Variants in ATP2C2 observed in about 807,000 individuals in gnomAD.
The protein encoded by ATP2C2 is ATPase secretory pathway Ca2+ transporting 2.
In ATP2C2, 171 loss-of-function variants were observed where a neutral mutation model predicts 110.8. The observed-to-expected ratio is 1.54, with a 90% confidence interval of 1.36 to 1.75. ATP2C2 has a LOEUF of 1.75. Among genes scored for constraint, ATP2C2 ranks in the 40% most tolerant of loss-of-function variants. The pLI is 0.00. For synonymous variants in ATP2C2, 804 were observed against 508.4 expected (o/e 1.58, Z -7.82); for missense variants, 1,963 against 1,235.0 (o/e 1.59, Z -8.84).
chr16:84,393,147 A>T (rs768332082), intron 1 of ATP2C2, among the ~76,000 whole-genome samples: 3 of 152,192 alleles, frequency 2.0e-5, no homozygotes, highest in Non-Finnish European at 4.4e-5. Flanking sequence ...TGGGGGCCGT[A>T]CCAGAGTCTG....
chr16:84,461,157 TG>T, intron 24 of ATP2C2: 1 of 276,882 alleles, frequency 3.6e-6, no homozygotes, highest in African/African-American at 2.2e-5. Context: ...ACTCTAGAGG[TG>T]ATTGTTTGCT....
chr16:84,378,655 G>C (rs2151397584), intron 1 of ATP2C2, among the ~76,000 whole-genome samples: 1 of 152,330 alleles, frequency 6.6e-6, no homozygotes, highest in Admixed American at 6.5e-5. Flanking sequence ...TTTGACCTTG[G>C]GTCATGTGCT....
rs546958962 is a variant in ATP2C2, at chr16:84,451,907, C to T, written c.1661-14C>T. On this transcript the variant is annotated splice_polypyrimidine_tract_variant and intron_variant, in intron 17 of 26. Transcript: ENST00000262429. The stretch of plus-strand genomic sequence containing the variant: ...GCCCCCGGTGACCCCTCCTTACTCC[C>T]CCTCTCTCCTCAGTGCTGGCCCTGG... 8 of 1,608,586 alleles carry T rather than the reference C, an allele frequency of 5.0e-6. No individual in the cohort carries two copies. Among genetic ancestry groups the T allele is most frequent in the South Asian group, 3.3e-5 (3 of 90,846 alleles).
At chr16:84,438,578 G>C (rs759690769) in intron 11 of ATP2C2, among the ~76,000 whole-genome samples, 1 of 152,164 alleles carries the variant, frequency 6.6e-6, no homozygotes, top group Non-Finnish European at 1.5e-5. Flanking sequence ...GAGAGAGTGG[G>C]GTCGCACCGT....
chr16:84,393,078 C>G (rs1233658790), intron 1 of ATP2C2, among the ~76,000 whole-genome samples: 1 of 152,214 alleles, frequency 6.6e-6, no homozygotes, highest in South Asian at 2.1e-4. Flanking sequence ...TGATCAGCAG[C>G]GGGCACGGGC....
intron 1 of ATP2C2, among the ~76,000 whole-genome samples, chr16:84,389,318 C>A (rs754929316): frequency 2.6e-5 from 4 of 151,158 alleles, no homozygotes; most frequent in African/African-American, 9.7e-5. Context: ...AGATTCCCCG[C>A]GATCTGCACT....
intron 1 of ATP2C2, among the ~76,000 whole-genome samples, chr16:84,385,931 T>C (rs1250644163): frequency 6.6e-6 from 1 of 152,242 alleles, no homozygotes; most frequent in Non-Finnish European, 1.5e-5. Context: ...ATCAGAGTCC[T>C]AGTTGATTAA....
intron 6 of ATP2C2, among the ~76,000 whole-genome samples, chr16:84,413,924 C>G (rs935186531): frequency 6.6e-6 from 1 of 152,128 alleles, no homozygotes; most frequent in African/African-American, 2.4e-5. Context: ...TTGGGGACCT[C>G]ACATTCCTAC....
At chr16:84,420,618 T>G (rs1907247315) in intron 7 of ATP2C2, among the ~76,000 whole-genome samples, 1 of 152,122 alleles carries the variant, frequency 6.6e-6, no homozygotes, top group Admixed American at 6.5e-5. Context: ...CGGTCACAAC[T>G]AAGGAACCCA....
At chr16:84,452,347 T>A (rs1023550635) in intron 18 of ATP2C2, among the ~76,000 whole-genome samples, 7 of 152,190 alleles carry the variant, frequency 4.6e-5, no homozygotes, top group African/African-American at 1.7e-4. Context: ...CAGGGGCTTT[T>A]CATCCGCTGT....
At chr16:84,419,784 G>C (rs116243463) in intron 7 of ATP2C2, among the ~76,000 whole-genome samples, 5 of 152,272 alleles carry the variant, frequency 3.3e-5, no homozygotes, top group African/African-American at 1.2e-4. Flanking sequence ...CCCTGTGCTC[G>C]TGAGTTTATA....
At chr16:84,451,845 ACAACAACAAC>A (rs1910296619) in intron 17 of ATP2C2, 66 bp from the exon 18 acceptor site, 5 of 1,424,370 alleles carry the variant, frequency 3.5e-6, no homozygotes, top group Middle Eastern at 2.4e-4. Context: ...TTAAAAAACA[ACAACAACAAC>A]CAACAACAAA....
chr16:84,387,961 G>A (rs1330626018), intron 1 of ATP2C2, among the ~76,000 whole-genome samples: 5 of 150,552 alleles, frequency 3.3e-5, no homozygotes, highest in Non-Finnish European at 5.9e-5. Context: ...CTGGGGGCTT[G>A]TGGAGCCCTG....
At chr16:84,427,115 C>T (rs1323720888) in intron 11 of ATP2C2, among the ~76,000 whole-genome samples, 1 of 152,106 alleles carries the variant, frequency 6.6e-6, no homozygotes, top group East Asian at 1.9e-4. Flanking sequence ...CCATTGGTTC[C>T]CAGACAGTAA....
At chr16:84,459,464 C>A in intron 23 of ATP2C2, 78 bp downstream of exon 23, 3 of 1,603,970 alleles carry the variant, frequency 1.9e-6, no homozygotes, top group South Asian at 2.2e-5. Context: ...TGGCTGTGCC[C>A]CAAGGCTATA....
Position 84,439,508 on chromosome 16 carries a change from A to G in ATP2C2, c.1193A>G (p.Asp398Gly), listed in dbSNP as rs765383247. ...EMTVTQLVTSDGLRAEVSGVG... is the reference protein window; with the variant it reads ...EMTVTQLVTSGGLRAEVSGVG... ...ACAGTGACCCAGCTTGTAACGTCAG[A>G]TGGGCTTCGTGCCGAGGTGAGTGCC... The change falls in exon 13 of 27, where the codon GAT (aspartate) becomes GGT (glycine). Residue 398 changes from aspartate to glycine, a missense_variant. Asp to Gly is a moderately conservative substitution (Grantham distance 94, BLOSUM62 -1). Coordinates refer to ENST00000262429, the MANE Select transcript of ATP2C2 (RefSeq NM_014861.4). The G allele has an allele frequency of 3.1e-6, 5 of 1,614,154 alleles. No individual in the cohort carries two copies. The highest frequency in any genetic ancestry group is 4.2e-6 in the Non-Finnish European group (5 of 1,180,020).
At chr16:84,426,883 C>A (rs1185737750) in intron 11 of ATP2C2, among the ~76,000 whole-genome samples, 3 of 152,168 alleles carry the variant, frequency 2.0e-5, no homozygotes, top group Non-Finnish European at 2.9e-5. Flanking sequence ...CATAAGTCAT[C>A]CCAAGCCCCT....
intron 24 of ATP2C2, 27 bp from the exon 25 acceptor site, chr16:84,461,687 C>A (rs749000573): frequency 2.5e-6 from 4 of 1,601,068 alleles, no homozygotes; most frequent in Non-Finnish European, 2.6e-6. Flanking sequence ...TCCCGCCTAA[C>A]CTCTCACCTT....
At chr16:84,429,428 C>A (rs1308906388) in intron 11 of ATP2C2, among the ~76,000 whole-genome samples, 1 of 152,236 alleles carries the variant, frequency 6.6e-6, no homozygotes, top group Non-Finnish European at 1.5e-5. Context: ...GCTGGGATTA[C>A]AGGTGTGAGC....
Sources: gnomAD v4.1 joint callset for allele counts (sites outside exome capture counted in the v4.1 genomes callset) on GRCh38, gnomAD v4.1.1 for gene constraint, MANE v1.5 for transcripts, NCBI Gene and HGNC (gene_info 2026-07-23, HGNC 2026-07-21) for gene names.